The following ZNF385D variants were observed in gnomAD, a reference collection of about 807,000 sequenced individuals.
The protein encoded by ZNF385D is zinc finger protein 385D.
In ZNF385D, 15 loss-of-function variants were observed where a neutral mutation model predicts 35.8. The ratio of observed to expected loss-of-function variants is 0.42; its 90% CI spans 0.28 to 0.64. The LOEUF (loss-of-function observed/expected upper bound fraction) is 0.64, where lower values mean the gene tolerates loss of function less well. Ranked by LOEUF, ZNF385D falls within the 30% of genes least tolerant of loss-of-function variation. The pLI is 0.23. For synonymous variants in ZNF385D, 212 were observed against 186.8 expected (o/e 1.13, Z -1.10); for missense variants, 474 against 494.6 (o/e 0.96, Z 0.39).
chr3:22,329,715 C>T (rs1694847072), intron 2 of ZNF385D, among the ~76,000 whole-genome samples: 1 of 152,028 alleles, frequency 6.6e-6, no homozygotes, highest in Admixed American at 6.6e-5. Context: ...TAATGCAAGC[C>T]ACATGTAATT....
In ZNF385D at chr3:22,145,404, T is replaced by C. The variant is rs181471003; in HGVS notation, c.325+23413A>G. Among the ~76,000 whole-genome samples, 481 of 152,352 alleles carry C rather than the reference T, an allele frequency of 3.2e-3. 6 individuals are homozygous for C. The highest frequency in any genetic ancestry group is 1.4e-3 in the Non-Finnish European group (94 of 68,032). ...TTTATTTGAATGCAAGTTTCTTCTCTTTGAAGAAGTCTCCTCTCTTCATAC... is the reference window on the plus strand; with the variant it reads ...TTTATTTGAATGCAAGTTTCTTCTCCTTGAAGAAGTCTCCTCTCTTCATAC... On this transcript the variant is annotated intron_variant, in intron 3 of 5. Coordinates refer to the ZNF385D transcript ENST00000494108.
intron 3 of ZNF385D, among the ~76,000 whole-genome samples, chr3:21,834,240 C>A (rs1695184811): frequency 6.6e-6 from 1 of 152,104 alleles, no homozygotes; most frequent in South Asian, 2.1e-4. Context: ...AAATACCCAC[C>A]CAGTCCACGA....
Position 21,954,809 on chromosome 3 carries a change from A to G in ZNF385D, c.325+214008T>C, listed in dbSNP as rs576193548. On this transcript the variant is annotated intron_variant, in intron 3 of 5. Coordinates refer to the ZNF385D transcript ENST00000494108. Reference sequence around the variant, plus strand: ...TCCCCACCCTCACTTCCCTTTCCTCACTGACTTTTGTGTTATACTTGCATC... The same window carrying G: ...TCCCCACCCTCACTTCCCTTTCCTCGCTGACTTTTGTGTTATACTTGCATC... Among the ~76,000 whole-genome samples the G allele has an allele frequency of 6.0e-5, 9 of 151,006 alleles. No homozygotes were observed. In the East Asian group the frequency reaches 1.7e-3, roughly 29 times the overall value.
intron 2 of ZNF385D, among the ~76,000 whole-genome samples, chr3:22,350,036 G>T (rs1324502175): frequency 6.6e-6 from 1 of 152,132 alleles, no homozygotes; most frequent in Admixed American, 6.5e-5. Flanking sequence ...TAATTGTTCA[G>T]AATATAACCA....
At chr3:21,624,977 T>G (rs2125822292) in intron 2 of ZNF385D, among the ~76,000 whole-genome samples, 1 of 152,158 alleles carries the variant, frequency 6.6e-6, no homozygotes, top group East Asian at 1.9e-4. Context: ...AAAATTGAAC[T>G]TCGTAAGCAT....
rs749490266 is a variant in ZNF385D, at chr3:22,076,398, CT to C, written c.325+92418del. On this transcript the variant is annotated intron_variant, in intron 3 of 5. Coordinates refer to the ZNF385D transcript ENST00000494108. ...ATATTTCCCATGGCCCATTAGCTGG[CT>C]TATTTTTTAATGAATATTCCCCCAC... is the stretch of plus-strand genomic sequence containing the variant. 2.0e-5 allele frequency among the ~76,000 whole-genome samples: 3 copies of C among 151,960 alleles called. No individual in the cohort carries two copies. The South Asian group carries it at 6.2e-4, about 32-fold the overall frequency.
intron 2 of ZNF385D, among the ~76,000 whole-genome samples, chr3:22,302,533 G>A (rs976809303): frequency 1.3e-4 from 20 of 151,918 alleles, no homozygotes; most frequent in African/African-American, 4.8e-4. Flanking sequence ...AAACAGTACA[G>A]TATTATAACA....
intron 3 of ZNF385D, among the ~76,000 whole-genome samples, chr3:21,872,917 T>C (rs768686407): frequency 1.3e-5 from 2 of 152,138 alleles, no homozygotes; most frequent in African/African-American, 4.8e-5. Flanking sequence ...AACTAGTATT[T>C]ATAGTTCAAT....
At chr3:21,803,624 A>C (rs1056809656) in intron 3 of ZNF385D, among the ~76,000 whole-genome samples, 2 of 152,228 alleles carry the variant, frequency 1.3e-5, no homozygotes, top group Non-Finnish European at 2.9e-5. Context: ...AATAGGACAT[A>C]AAAGCTATAT....
chr3:21,985,497 T>C (rs1694754767), intron 3 of ZNF385D, among the ~76,000 whole-genome samples: 1 of 115,094 alleles, frequency 8.7e-6, no homozygotes, highest in South Asian at 3.0e-4. Context: ...TGAACCAGCC[T>C]TGCATCCCAG....
chr3:21,421,138 T>C lies in ZNF385D; in HGVS notation c.*76A>G. ...TATACTTTAAACTATAAATAAACAC[T>C]GCATAGTTCTCTTTTGTTTGTTTTG... On this transcript the variant is annotated 3_prime_UTR_variant, in exon 8 of 8. Coordinates refer to ENST00000281523, the MANE Select transcript of ZNF385D (RefSeq NM_024697.3). The C allele has an allele frequency of 4.9e-6, 5 of 1,020,398 alleles. No homozygotes were observed. The South Asian group carries it at 5.4e-5, about 11-fold the overall frequency. The allele number at this position is 1,020,398 out of a possible 1,614,324, so 63.2% of individuals were successfully genotyped here. A position where few individuals can be genotyped will look rare whatever the true frequency, so the allele number is the denominator to read the frequency against.
rs11345782 is a variant in ZNF385D at position 22,119,995 on chromosome 3, CTT to C, written c.325+48820_325+48821del. Among the ~76,000 whole-genome samples the C allele has an allele frequency of 1.9e-3, 261 of 136,214 alleles. 1 individual carries two copies. Among genetic ancestry groups the C allele is most frequent in the South Asian group, 3.8e-3 (16 of 4,162 alleles). 89.4% of individuals were successfully genotyped at this position (136,214 alleles called of 152,430 possible). A position where few individuals can be genotyped will look rare whatever the true frequency, so the allele number is the denominator to read the frequency against. On this transcript the variant is annotated intron_variant, in intron 3 of 5. Coordinates refer to the ZNF385D transcript ENST00000494108. Reference sequence around the variant, plus strand: ...ACATACTCAATTTTTTTTCTTTTTTCTTTTTTTTTTTTTTGGTAGAAACAGGA... The same window carrying C: ...ACATACTCAATTTTTTTTCTTTTTTCTTTTTTTTTTTTGGTAGAAACAGGA...
At chr3:22,345,172 ATAT>A (rs987089185) in intron 2 of ZNF385D, among the ~76,000 whole-genome samples, 43 of 152,292 alleles carry the variant, frequency 2.8e-4, no homozygotes, top group African/African-American at 9.6e-4. Context: ...AATAATTTTA[ATAT>A]TATTGTTTTA....
At chr3:21,818,673 A>G (rs2073266257) in intron 3 of ZNF385D, among the ~76,000 whole-genome samples, 1 of 152,166 alleles carries the variant, frequency 6.6e-6, no homozygotes, top group African/African-American at 2.4e-5. Context: ...CCATGGGCAT[A>G]TGGAGGAAAT....
At chr3:21,827,716 A>C (rs1694732984) in intron 3 of ZNF385D, among the ~76,000 whole-genome samples, 1 of 152,224 alleles carries the variant, frequency 6.6e-6, no homozygotes, top group Non-Finnish European at 1.5e-5. Flanking sequence ...GAAAAGGCAT[A>C]TTACAAAAAG....
At chr3:22,172,695 G>C (rs1694544848) in intron 2 of ZNF385D, among the ~76,000 whole-genome samples, 1 of 152,072 alleles carries the variant, frequency 6.6e-6, no homozygotes, top group Non-Finnish European at 1.5e-5. Flanking sequence ...AACAAAGCTG[G>C]AGCAACTTGA....
intron 3 of ZNF385D, among the ~76,000 whole-genome samples, chr3:21,882,970 A>G (rs1480424026): frequency 1.3e-5 from 2 of 152,146 alleles, no homozygotes; most frequent in Non-Finnish European, 2.9e-5. Flanking sequence ...AGAATAGTAT[A>G]TAATTTGACT....
chr3:21,941,009 C>T (rs1056994697), intron 3 of ZNF385D, among the ~76,000 whole-genome samples: 1 of 152,072 alleles, frequency 6.6e-6, no homozygotes, highest in Non-Finnish European at 1.5e-5. Context: ...AAACCGATAA[C>T]TAATAAAGAT....
chr3:22,272,861 C>G (rs1247677654), intron 2 of ZNF385D, among the ~76,000 whole-genome samples: 1 of 151,908 alleles, frequency 6.6e-6, no homozygotes, highest in South Asian at 2.1e-4. Flanking sequence ...AGTCTAAGTG[C>G]TCATATAGTT....
Sources: gnomAD v4.1 joint callset for allele counts (sites outside exome capture counted in the v4.1 genomes callset) on GRCh38, gnomAD v4.1.1 for gene constraint, MANE v1.5 for transcripts, NCBI Gene and HGNC (gene_info 2026-07-23, HGNC 2026-07-21) for gene names.